Variants in KCNH1 observed in about 807,000 individuals in gnomAD.
The protein encoded by KCNH1 is voltage-gated delayed rectifier potassium channel KCNH1.
In KCNH1, 27 loss-of-function variants were observed where a neutral mutation model predicts 69.2. That is an observed-to-expected ratio of 0.39 (90% confidence interval 0.29 to 0.54). KCNH1 has a LOEUF of 0.54. Among genes scored for constraint, KCNH1 ranks in the 20% least tolerant of loss-of-function variants. KCNH1 has a pLI of 0.68. For synonymous variants in KCNH1, 456 were observed against 487.7 expected (o/e 0.93, Z 0.86); for missense variants, 798 against 1,261.6 (o/e 0.63, Z 5.57).
chr1:210,889,874 C>T (rs1384209515), intron 7 of KCNH1, among the ~76,000 whole-genome samples: 1 of 152,122 alleles, frequency 6.6e-6, no homozygotes, highest in African/African-American at 2.4e-5. Flanking sequence ...CTACAAATCA[C>T]TGCTCAAGGA....
At chr1:211,110,575 A>G (rs1691442290) in intron 1 of KCNH1, among the ~76,000 whole-genome samples, 1 of 152,176 alleles carries the variant, frequency 6.6e-6, no homozygotes, top group South Asian at 2.1e-4. Flanking sequence ...ACCAATACAT[A>G]ATAAAGGATG....
At chr1:210,853,807 T>C (rs1029067304) in intron 7 of KCNH1, among the ~76,000 whole-genome samples, 3 of 152,028 alleles carry the variant, frequency 2.0e-5, no homozygotes, top group Non-Finnish European at 4.4e-5. Context: ...ACCCAAACCA[T>C]CCGGTTCAAG....
chr1:210,994,228 CT>C (rs1417212292), intron 6 of KCNH1, among the ~76,000 whole-genome samples: 1 of 152,126 alleles, frequency 6.6e-6, no homozygotes, highest in African/African-American at 2.4e-5. Context: ...AAGATATTTT[CT>C]GTAGACTTGT....
chr1:210,886,310 G>C (rs1172595950), intron 7 of KCNH1, among the ~76,000 whole-genome samples: 2 of 152,168 alleles, frequency 1.3e-5, no homozygotes, highest in Non-Finnish European at 2.9e-5. Flanking sequence ...CAGCCTGATT[G>C]ATAGAAGGAA....
chr1:211,124,060 G>A (rs1212803419), intron 1 of KCNH1, among the ~76,000 whole-genome samples: 2 of 152,148 alleles, frequency 1.3e-5, no homozygotes, highest in African/African-American at 4.8e-5. Context: ...CATCTGACAG[G>A]AGAGTGACTA....
At chr1:210,860,257 G>A (rs1574301502) in intron 7 of KCNH1, 5 of 1,469,664 alleles carry the variant, frequency 3.4e-6, no homozygotes, top group African/African-American at 2.8e-5. Context: ...AAATACAAGG[G>A]GTAGTAGCTG....
At chr1:210,948,824 TCTC>T (rs1688009535) in intron 6 of KCNH1, among the ~76,000 whole-genome samples, 1 of 141,824 alleles carries the variant, frequency 7.1e-6, no homozygotes. Flanking sequence ...CAAGACTCCA[TCTC>T]AAAAAAAAGG....
At chr1:210,875,368 T>C (rs1686347441) in intron 7 of KCNH1, among the ~76,000 whole-genome samples, 1 of 152,226 alleles carries the variant, frequency 6.6e-6, no homozygotes, top group Non-Finnish European at 1.5e-5. Context: ...GTCATAATGA[T>C]TAGAAAATGA....
At chr1:210,783,394 C>T (rs951391438) in intron 9 of KCNH1, among the ~76,000 whole-genome samples, 1 of 152,136 alleles carries the variant, frequency 6.6e-6, no homozygotes, top group Non-Finnish European at 1.5e-5. Context: ...AGGTAGGTTT[C>T]CAGCTGTTTC....
At chr1:211,103,080 C>T (rs374139079) in intron 3 of KCNH1, among the ~76,000 whole-genome samples, 9 of 152,260 alleles carry the variant, frequency 5.9e-5, no homozygotes, top group African/African-American at 7.2e-5. Context: ...TATTTAGAAA[C>T]GCTTAATTAG....
At chr1:210,696,402 T>C (rs1419952323) in intron 10 of KCNH1, among the ~76,000 whole-genome samples, 2 of 152,192 alleles carry the variant, frequency 1.3e-5, no homozygotes. Context: ...CTTTTAGCCT[T>C]TCAACTCCAA....
At chr1:210,986,211 C>G (rs545015169) in intron 6 of KCNH1, among the ~76,000 whole-genome samples, 1 of 152,192 alleles carries the variant, frequency 6.6e-6, no homozygotes, top group Admixed American at 6.5e-5. Flanking sequence ...GAATACAGCA[C>G]ACTGATGGGT....
At chr1:211,063,159 A>G (rs1338356623) in intron 5 of KCNH1, among the ~76,000 whole-genome samples, 1 of 152,210 alleles carries the variant, frequency 6.6e-6, no homozygotes, top group Non-Finnish European at 1.5e-5. Flanking sequence ...CCTTTGCAAC[A>G]ACATGGATGG....
chr1:210,725,664 C>G (rs1682573169), intron 10 of KCNH1, among the ~76,000 whole-genome samples: 1 of 152,178 alleles, frequency 6.6e-6, no homozygotes, highest in African/African-American at 2.4e-5. Context: ...GCAGCTAAGA[C>G]TATACCTGTC....
Position 210,750,245 on chromosome 1 carries a change from A to G in KCNH1, c.2112+25103T>C, listed in dbSNP as rs554002365. Among the ~76,000 whole-genome samples, 45 of 152,348 alleles carry G rather than the reference A, an allele frequency of 3.0e-4. No homozygotes were observed. In the Middle Eastern group the frequency reaches 0.01, roughly 35 times the overall value. On this transcript the variant is annotated intron_variant, in intron 10 of 10. Transcript: ENST00000271751. Reference sequence around the variant, plus strand: ...AATACCAACCTCATAAAGTTGTAGCAAGGATCCGATAAGATAAAATATGTG... The same window carrying G: ...AATACCAACCTCATAAAGTTGTAGCGAGGATCCGATAAGATAAAATATGTG...
chr1:211,002,838 A>G (rs571992819), intron 6 of KCNH1, among the ~76,000 whole-genome samples: 10 of 152,286 alleles, frequency 6.6e-5, no homozygotes, highest in Admixed American at 4.6e-4. Flanking sequence ...TAGAGTGCAA[A>G]GAGTCAACCG....
At chr1:210,783,231 G>C (rs1011713117) in intron 9 of KCNH1, among the ~76,000 whole-genome samples, 64 of 152,168 alleles carry the variant, frequency 4.2e-4, no homozygotes, top group African/African-American at 1.4e-3. Flanking sequence ...GAAACGCAAG[G>C]TTCCCAGGAT....
chr1:210,774,925 G>A (rs1304713305), intron 10 of KCNH1, among the ~76,000 whole-genome samples: 2 of 152,034 alleles, frequency 1.3e-5, no homozygotes, highest in Non-Finnish European at 2.9e-5. Flanking sequence ...ACCATTACTA[G>A]CTGGCAGGCT....
chr1:210,840,265 C>T (rs1301056531), intron 7 of KCNH1, among the ~76,000 whole-genome samples: 2 of 151,368 alleles, frequency 1.3e-5, no homozygotes, highest in Admixed American at 1.3e-4. Context: ...TTTTAACATG[C>T]TAGATCTAAA....
Sources: gnomAD v4.1 joint callset for allele counts (sites outside exome capture counted in the v4.1 genomes callset) on GRCh38, gnomAD v4.1.1 for gene constraint, MANE v1.5 for transcripts, NCBI Gene and HGNC (gene_info 2026-07-23, HGNC 2026-07-21) for gene names.